UGT3A2: variants seen among roughly 807,000 people sequenced by gnomAD.
UGT3A2 encodes UDP-glycosyltransferase 3A2.
A neutral mutation model predicts 39.8 loss-of-function variants in UGT3A2; 32 were observed. The ratio of observed to expected loss-of-function variants is 0.80; its 90% CI spans 0.61 to 1.08. UGT3A2 has a LOEUF of 1.08. Among genes scored for constraint, UGT3A2 ranks in the 50% least tolerant of loss-of-function variants. UGT3A2 has a pLI of 0.00. For synonymous variants in UGT3A2, 241 were observed against 230.7 expected (o/e 1.04, Z -0.40); for missense variants, 611 against 637.1 (o/e 0.96, Z 0.44).
chr5:36,038,251 T>C (rs1365691592), intron 5 of UGT3A2, among the ~76,000 whole-genome samples: 1 of 152,180 alleles, frequency 6.6e-6, no homozygotes, highest in African/African-American at 2.4e-5. Context: ...AGGCTTAGAA[T>C]TGAGTGAATT....
At chr5:36,063,040 CAAA>C (rs556478846) in intron 2 of UGT3A2, among the ~76,000 whole-genome samples, 2 of 131,718 alleles carry the variant, frequency 1.5e-5, no homozygotes, top group African/African-American at 5.4e-5. Context: ...GACTCTGTCT[CAAA>C]AAAAAAAAAA....
chr5:36,055,742 T>A (rs566063768), intron 2 of UGT3A2, among the ~76,000 whole-genome samples: 2 of 152,352 alleles, frequency 1.3e-5, no homozygotes, highest in East Asian at 3.9e-4. Flanking sequence ...ACCTTGCTGA[T>A]CTAAGTAGCA....
chr5:36,039,372 G>A, intron 5 of UGT3A2, 105 bp downstream of exon 5: 1 of 1,148,582 alleles, frequency 8.7e-7, no homozygotes, highest in Admixed American at 1.9e-5. Flanking sequence ...AGCCTTACCT[G>A]TACCATTCAC....
chr5:36,064,114 T>TAC lies in UGT3A2; in HGVS notation c.196+133_196+134dup, dbSNP rs139538064. ...CTAAGAAGTTTTTTGGCACTTTACA[T>TAC]ACACACACACACAAGCTTTTCATCC... On this transcript the variant is annotated intron_variant, in intron 2 of 6. Coordinates refer to ENST00000282507, the MANE Select transcript of UGT3A2 (RefSeq NM_174914.4). 2.3e-4 allele frequency: 182 copies of TAC among 781,522 alleles called. No individual in the cohort carries two copies. The African/African-American group carries it at 2.3e-3, about 10-fold the overall frequency. The allele number at this position is 781,522 out of a possible 1,614,324, so 48.4% of individuals were successfully genotyped here.
intron 2 of UGT3A2, among the ~76,000 whole-genome samples, chr5:36,059,060 G>C (rs1742603283): frequency 6.6e-6 from 1 of 152,112 alleles, no homozygotes; most frequent in African/African-American, 2.4e-5. Context: ...AACTAACAGG[G>C]ACCACAGGGA....
chr5:36,039,634 G>A lies in UGT3A2; in HGVS notation c.918C>T (p.Thr306=), dbSNP rs763565202. The change falls in exon 5 of 7, where the codon ACC becomes ACT. Residue 306 remains threonine (T), a synonymous_variant. Coordinates refer to ENST00000282507, the MANE Select transcript of UGT3A2 (RefSeq NM_174914.4). The stretch of plus-strand genomic sequence containing the variant: ...CCTTGAAGATTTCCGGATTCTGACA[G>A]GTGTTCACCATGGAGCCCAAGGTCA... ...VLVTLGSMVN[T]CQNPEIFKEM... The A allele has an allele frequency of 1.9e-6, 3 of 1,614,194 alleles. No homozygotes were observed. The East Asian group carries it at 6.7e-5, about 36-fold the overall frequency.
intron 6 of UGT3A2, among the ~76,000 whole-genome samples, chr5:36,037,112 A>T (rs1157154506): frequency 2.0e-5 from 3 of 152,214 alleles, no homozygotes; most frequent in Non-Finnish European, 4.4e-5. Context: ...CAAATAATAA[A>T]TGAAAACACA....
intron 2 of UGT3A2, 39 bp downstream of exon 2, chr5:36,064,210 C>G: frequency 6.3e-7 from 1 of 1,580,436 alleles, no homozygotes; most frequent in South Asian, 1.1e-5. Flanking sequence ...TTGCTCTTTG[C>G]TTGGAGTAGG....
intron 2 of UGT3A2, among the ~76,000 whole-genome samples, chr5:36,055,388 A>G (rs1285349662): frequency 6.6e-6 from 1 of 151,894 alleles, no homozygotes; most frequent in African/African-American, 2.4e-5. Flanking sequence ...ACGAGCCACC[A>G]TGCCTGGCTA....
intron 4 of UGT3A2, among the ~76,000 whole-genome samples, chr5:36,040,520 T>A (rs1167917432): frequency 6.6e-6 from 1 of 152,136 alleles, no homozygotes; most frequent in Admixed American, 6.5e-5. Context: ...AGAGACAGAA[T>A]CTGTGTGCTT....
chr5:36,056,715 C>G (rs1172928181), intron 2 of UGT3A2, among the ~76,000 whole-genome samples: 1 of 152,246 alleles, frequency 6.6e-6, no homozygotes, highest in African/African-American at 2.4e-5. Context: ...CACTGCTTTC[C>G]TGACATTGAA....
chr5:36,044,096 A>G (rs962382960), intron 4 of UGT3A2, among the ~76,000 whole-genome samples: 2 of 152,122 alleles, frequency 1.3e-5, no homozygotes, highest in African/African-American at 4.8e-5. Context: ...TCAACAAAAT[A>G]CTAGCAAACC....
At chr5:36,045,220 G>A (rs1742129253) in intron 4 of UGT3A2, among the ~76,000 whole-genome samples, 1 of 151,966 alleles carries the variant, frequency 6.6e-6, no homozygotes, top group African/African-American at 2.4e-5. Context: ...AGGGTGCCAA[G>A]AACATAAAGA....
chr5:36,066,062 A>G (rs1264523473), intron 1 of UGT3A2, among the ~76,000 whole-genome samples: 2 of 152,220 alleles, frequency 1.3e-5, no homozygotes, highest in African/African-American at 2.4e-5. Flanking sequence ...AATAACGGTC[A>G]GCGGCACAGG....
rs139993300 is a variant in UGT3A2 at position 36,055,412 on chromosome 5, A to G, written c.197-3428T>C. Among the ~76,000 whole-genome samples the G allele has an allele frequency of 1.2e-3, 185 of 151,912 alleles. 1 individual carries two copies. In the East Asian group the frequency reaches 0.033, roughly 27 times the overall value. On this transcript the variant is annotated intron_variant, in intron 2 of 6. Coordinates refer to ENST00000282507, the MANE Select transcript of UGT3A2 (RefSeq NM_174914.4). ...CATGCCTGGCTAATTTTTGTATTTT[A>G]GTAGAGACAGGGTTGCACCATGTTG...
At position 36,036,104 on chromosome 5, in the gene UGT3A2, TG is replaced by T. The variant is rs1741820258; in HGVS notation, c.1296-131del. 7 of 1,155,160 alleles carry T rather than the reference TG, an allele frequency of 6.1e-6. No homozygotes were observed. In the South Asian group the frequency reaches 1.1e-4, roughly 19 times the overall value. 71.6% of individuals were successfully genotyped at this position (1,155,160 alleles called of 1,614,324 possible). A position where few individuals can be genotyped will look rare whatever the true frequency, so the allele number is the denominator to read the frequency against. The stretch of plus-strand genomic sequence containing the variant: ...TCTGTTGGCTTTGCAGTAATCTACC[TG>T]GTTCCCCTTGAAATTTAATCATGAC... On this transcript the variant is annotated intron_variant, in intron 6 of 6. Transcript: ENST00000282507.
chr5:36,041,372 T>C (rs1258281950), intron 4 of UGT3A2, among the ~76,000 whole-genome samples: 1 of 152,298 alleles, frequency 6.6e-6, no homozygotes, highest in East Asian at 1.9e-4. Flanking sequence ...AAAGAGCTCT[T>C]GAGCCTTGAA....
At chr5:36,038,185 G>C (rs1476388180) in intron 5 of UGT3A2, among the ~76,000 whole-genome samples, 169 bp from the exon 6 acceptor site, 1 of 152,240 alleles carries the variant, frequency 6.6e-6, no homozygotes, top group Non-Finnish European at 1.5e-5. Flanking sequence ...CAAGATACAA[G>C]ATTCCAAGCG....
In UGT3A2 at chr5:36,066,825, G is replaced by A. The variant is rs748683561; in HGVS notation, c.-36C>T. The stretch of plus-strand genomic sequence containing the variant: ...ACGGAAGCCGCGGATCTCAGCCTGG[G>A]CTGCGCGCCCTGCGCCCGGCTAAGG... On this transcript the variant is annotated 5_prime_UTR_variant, in exon 1 of 7. Coordinates refer to ENST00000282507, the MANE Select transcript of UGT3A2 (RefSeq NM_174914.4). 6 of 1,613,680 alleles carry A rather than the reference G, an allele frequency of 3.7e-6. No homozygotes were observed. The highest frequency in any genetic ancestry group is 3.3e-5 in the South Asian group (3 of 91,076).
Sources: allele counts gnomAD v4.1 joint callset (sites outside exome capture counted in the v4.1 genomes callset), GRCh38; gene constraint gnomAD v4.1.1; transcripts MANE v1.5; gene names NCBI Gene and HGNC (gene_info 2026-07-23, HGNC 2026-07-21).